Variants in ANKRD55 observed in about 807,000 individuals in gnomAD.
ANKRD55 encodes ankyrin repeat domain-containing protein 55.
In ANKRD55, 41 loss-of-function variants were observed where a neutral mutation model predicts 60.6. That is an observed-to-expected ratio of 0.68 (90% CI 0.53 to 0.88). ANKRD55 has a LOEUF of 0.88. Ranked by LOEUF, ANKRD55 falls within the 40% of genes least tolerant of loss-of-function variation. The pLI is 0.00. For synonymous variants in ANKRD55, 264 were observed against 290.3 expected (o/e 0.91, Z 0.92); for missense variants, 732 against 767.6 (o/e 0.95, Z 0.55).
chr5:56,228,068 A>C (rs1760162897), intron 2 of ANKRD55, among the ~76,000 whole-genome samples: 1 of 152,136 alleles, frequency 6.6e-6, no homozygotes, highest in Non-Finnish European at 1.5e-5. Context: ...CACTCCCTGC[A>C]ATGGGTTGAA....
At chr5:56,227,287 T>A (rs1760140570) in intron 2 of ANKRD55, among the ~76,000 whole-genome samples, 2 of 139,494 alleles carry the variant, frequency 1.4e-5, no homozygotes, top group African/African-American at 5.4e-5. Flanking sequence ...GAACTGAACA[T>A]TGAGAACACT....
intron 6 of ANKRD55, among the ~76,000 whole-genome samples, chr5:56,153,779 G>A (rs1758117222): frequency 6.6e-6 from 1 of 151,826 alleles, no homozygotes; most frequent in African/African-American, 2.4e-5. Flanking sequence ...GGAGGTTGCA[G>A]TGAGCCGAGA....
intron 2 of ANKRD55, among the ~76,000 whole-genome samples, chr5:56,201,513 C>T (rs1213512887): frequency 3.3e-5 from 5 of 152,186 alleles, no homozygotes; most frequent in Non-Finnish European, 7.3e-5. Context: ...GCTCTGGGGC[C>T]TCACCTCTAG....
Position 56,120,306 on chromosome 5 carries a change from C to T in ANKRD55, c.798-3524G>A, listed in dbSNP as rs541578927. Among the ~76,000 whole-genome samples the T allele has an allele frequency of 6.6e-5, 10 of 152,130 alleles. 1 individual carries two copies. The highest frequency in any genetic ancestry group is 2.0e-4 in the Admixed American group (3 of 15,274). On this transcript the variant is annotated intron_variant, in intron 8 of 11. Coordinates refer to ENST00000341048, the MANE Select transcript of ANKRD55 (RefSeq NM_024669.3). ...CCTCCCAAAGTGTTGGAATTACAGG[C>T]GTGAGCCACCGCACCAAGCCCTCTT...
At chr5:56,125,894 G>A (rs1757235435) in intron 8 of ANKRD55, 1 of 152,180 alleles carries the variant, frequency 6.6e-6, no homozygotes, top group Non-Finnish European at 1.5e-5. Context: ...AGCACTTTGA[G>A]AGGCCGAGGC....
chr5:56,151,546 C>T (rs1580983865), intron 6 of ANKRD55, among the ~76,000 whole-genome samples: 2 of 152,182 alleles, frequency 1.3e-5, no homozygotes, highest in African/African-American at 2.4e-5. Context: ...GGCGTGGTGG[C>T]TCACGCCTAT....
intron 9 of ANKRD55, among the ~76,000 whole-genome samples, chr5:56,115,975 C>T (rs553306560): frequency 1.3e-5 from 2 of 152,068 alleles, no homozygotes; most frequent in Admixed American, 6.5e-5. Flanking sequence ...TTGCCTCAGC[C>T]TCCCAAGTAG....
At position 56,099,890 on chromosome 5, in the gene ANKRD55, C is replaced by T. The variant is rs1197948752; in HGVS notation, c.*293G>A. 3.6e-6 allele frequency: 1 copy of T among 278,434 alleles called. No homozygotes were observed. Among genetic ancestry groups the T allele is most frequent in the Non-Finnish European group, 6.8e-6 (1 of 147,410 alleles). 17.2% of individuals were successfully genotyped at this position (278,434 alleles called of 1,614,324 possible). A position where few individuals can be genotyped will look rare whatever the true frequency, so the allele number is the denominator to read the frequency against. On this transcript the variant is annotated 3_prime_UTR_variant, in exon 12 of 12. Coordinates refer to ENST00000341048, the MANE Select transcript of ANKRD55 (RefSeq NM_024669.3). ...CAATAACAAAAAAACAGTGCACATG[C>T]CACAAAGCAAACCAAACATAGCTCA...
At chr5:56,141,062 C>CA (rs1242349752) in intron 7 of ANKRD55, among the ~76,000 whole-genome samples, 6 of 147,132 alleles carry the variant, frequency 4.1e-5, no homozygotes, top group Non-Finnish European at 8.9e-5. Context: ...GACTCCATCT[C>CA]AAAAAAATAT....
chr5:56,214,698 G>C (rs998995028), intron 2 of ANKRD55, among the ~76,000 whole-genome samples: 2 of 140,594 alleles, frequency 1.4e-5, no homozygotes, highest in Non-Finnish European at 3.1e-5. Flanking sequence ...GAAGGTGCTG[G>C]GTTATATATT....
chr5:56,216,213 T>C (rs1243059682), intron 2 of ANKRD55, among the ~76,000 whole-genome samples: 1 of 152,102 alleles, frequency 6.6e-6, no homozygotes, highest in Non-Finnish European at 1.5e-5. Context: ...ATCTTTGATG[T>C]TACTATTGTA....
intron 10 of ANKRD55, chr5:56,108,253 T>G (rs993793034): frequency 6.6e-6 from 1 of 152,122 alleles, no homozygotes; most frequent in African/African-American, 2.4e-5. Flanking sequence ...CCATCCTAAC[T>G]GATGTAAAAG....
chr5:56,138,850 G>T (rs556454904), intron 7 of ANKRD55, among the ~76,000 whole-genome samples: 2 of 152,286 alleles, frequency 1.3e-5, no homozygotes, highest in South Asian at 4.1e-4. Flanking sequence ...AGAATAAGGG[G>T]AGCTCAGAGG....
chr5:56,230,887 A>T (rs369427208), intron 2 of ANKRD55, among the ~76,000 whole-genome samples: 1 of 152,238 alleles, frequency 6.6e-6, no homozygotes, highest in Non-Finnish European at 1.5e-5. Flanking sequence ...GTCCAAGGTG[A>T]TAATAACAAC....
chr5:56,157,498 T>C (rs997843423), intron 6 of ANKRD55, among the ~76,000 whole-genome samples: 1 of 152,174 alleles, frequency 6.6e-6, no homozygotes, highest in African/African-American at 2.4e-5. Flanking sequence ...TGTCTCCTGC[T>C]CCTCCCTGGG....
At chr5:56,213,432 T>G (rs1323245875) in intron 2 of ANKRD55, among the ~76,000 whole-genome samples, 1 of 150,858 alleles carries the variant, frequency 6.6e-6, no homozygotes, top group Non-Finnish European at 1.5e-5. Context: ...TTAAATACCT[T>G]AAAAGTGTGT....
intron 8 of ANKRD55, chr5:56,125,690 A>T (rs1757227012): frequency 1.3e-5 from 2 of 152,200 alleles, no homozygotes; most frequent in South Asian, 4.1e-4. Flanking sequence ...GAGTTAAAAG[A>T]ATTTCAGGTA....
intron 2 of ANKRD55, among the ~76,000 whole-genome samples, chr5:56,203,296 C>T (rs1204047921): frequency 1.3e-5 from 2 of 151,914 alleles, no homozygotes; most frequent in Admixed American, 1.3e-4. Context: ...TGCTGCTGTT[C>T]TCATAATAGT....
At chr5:56,233,062 GTCAA>G in intron 1 of ANKRD55, 116 bp from the exon 2 acceptor site, 1 of 695,718 alleles carries the variant, frequency 1.4e-6, no homozygotes, top group Non-Finnish European at 2.5e-6. Flanking sequence ...GCAGGTTGTT[GTCAA>G]GGCAAGGTGA....
Sources: allele counts gnomAD v4.1 joint callset (sites outside exome capture counted in the v4.1 genomes callset), GRCh38; gene constraint gnomAD v4.1.1; transcripts MANE v1.5; gene names NCBI Gene and HGNC (gene_info 2026-07-23, HGNC 2026-07-21).